Variants in ADAMTSL1 observed in about 807,000 individuals in gnomAD.
The protein encoded by ADAMTSL1 is ADAMTS-like protein 1.
Under a neutral mutation model 201.8 loss-of-function variants are expected in ADAMTSL1, and 126 were observed. That is an observed-to-expected ratio of 0.62 (90% CI 0.54 to 0.72). The LOEUF (loss-of-function observed/expected upper bound fraction) is 0.72. ADAMTSL1 is among the 30% of genes least tolerant of loss of function. The pLI, the probability that ADAMTSL1 is intolerant of heterozygous loss-of-function variation, is 0.00. For missense variants in ADAMTSL1, 2,679 were observed against 2,277.8 expected, an observed-to-expected ratio of 1.18 and a Z score of -3.59; for synonymous variants, 1,121 against 903.4, an observed-to-expected ratio of 1.24 and a Z score of -4.32.
At chr9:18,364,851 T>G (rs1586979135) in intron 2 of ADAMTSL1, among the ~76,000 whole-genome samples, 1 of 150,814 alleles carries the variant, frequency 6.6e-6, no homozygotes, top group African/African-American at 2.4e-5. Context: ...AGTGGGGAGG[T>G]GCCACACACT....
chr9:18,171,003 C>A (rs571663072), intron 2 of ADAMTSL1, among the ~76,000 whole-genome samples: 1 of 152,144 alleles, frequency 6.6e-6, no homozygotes, highest in African/African-American at 2.4e-5. Flanking sequence ...ATAAAATGTT[C>A]ATGAATGGGA....
intron 1 of ADAMTSL1, among the ~76,000 whole-genome samples, chr9:17,930,383 C>T (rs1826730455): frequency 6.6e-6 from 1 of 152,094 alleles, no homozygotes; most frequent in Admixed American, 6.6e-5. Flanking sequence ...TGGAATGCAT[C>T]ACTTCTGCCC....
intron 3 of ADAMTSL1, among the ~76,000 whole-genome samples, chr9:18,555,401 T>C (rs1821045037): frequency 1.3e-5 from 2 of 152,020 alleles, no homozygotes; most frequent in South Asian, 2.1e-4. Context: ...TTTTTATTTA[T>C]ACTTAAAGCT....
At chr9:18,447,259 C>A (rs981456248) in intron 2 of ADAMTSL1, among the ~76,000 whole-genome samples, 2 of 152,118 alleles carry the variant, frequency 1.3e-5, no homozygotes, top group Non-Finnish European at 2.9e-5. Flanking sequence ...AGCCAAATGC[C>A]GAATGACAGC....
intron 23 of ADAMTSL1, among the ~76,000 whole-genome samples, chr9:18,830,249 T>C (rs1182694200): frequency 6.6e-6 from 1 of 152,126 alleles, no homozygotes; most frequent in Non-Finnish European, 1.5e-5. Flanking sequence ...GTCCAGATCC[T>C]CTCAATCAGA....
At chr9:18,647,403 T>G (rs200390248) in intron 7 of ADAMTSL1, among the ~76,000 whole-genome samples, 52 of 151,802 alleles carry the variant, frequency 3.4e-4, no homozygotes, top group Non-Finnish European at 5.6e-4. Flanking sequence ...CTGCTCTGAT[T>G]TTAGTTATTT....
chr9:18,399,318 T>TATATATACAC lies in ADAMTSL1; in HGVS notation c.208-105504_208-105503insCACATATATA, dbSNP rs1554672313. ...ATATATATATATATATATATATATATATATATATATAAAATTATTATTTTC... is the reference window on the plus strand; with the variant it reads ...ATATATATATATATATATATATATATATATATACACATATATATATAAAATTATTATTTTC... On this transcript the variant is annotated intron_variant, in intron 2 of 29. Coordinates refer to the ADAMTSL1 transcript ENST00000680146. Among the ~76,000 whole-genome samples, 35 of 100,770 alleles carry TATATATACAC rather than the reference T, an allele frequency of 3.5e-4. 2 individuals carry two copies. The highest frequency in any genetic ancestry group is 5.1e-4 in the Admixed American group (5 of 9,802). 66.1% of individuals were successfully genotyped at this position (100,770 alleles called of 152,430 possible). A position where few individuals can be genotyped will look rare whatever the true frequency, so the allele number is the denominator to read the frequency against.
chr9:18,254,425 C>T (rs1289853217), intron 2 of ADAMTSL1, among the ~76,000 whole-genome samples: 4 of 121,800 alleles, frequency 3.3e-5, no homozygotes, highest in Non-Finnish European at 4.8e-5. Flanking sequence ...TACAGTGGCG[C>T]GATCTCAGCT....
chr9:17,932,525 G>A (rs760028931), intron 1 of ADAMTSL1, among the ~76,000 whole-genome samples: 2 of 152,100 alleles, frequency 1.3e-5, no homozygotes, highest in African/African-American at 2.4e-5. Flanking sequence ...CGTTGAAGGC[G>A]CAGTAGAGCT....
At chr9:18,778,892 C>A (rs1449699842) in intron 19 of ADAMTSL1, among the ~76,000 whole-genome samples, 1 of 152,220 alleles carries the variant, frequency 6.6e-6, no homozygotes, top group African/African-American at 2.4e-5. Context: ...GTCCTCTAGT[C>A]TAGATTCCTC....
chr9:18,753,596 G>A (rs1254639874), intron 16 of ADAMTSL1, 88 bp downstream of exon 16: 1 of 1,391,988 alleles, frequency 7.2e-7, no homozygotes, highest in Non-Finnish European at 9.9e-7. Flanking sequence ...TTTTGTCCAG[G>A]GATGTTAAAG....
intron 2 of ADAMTSL1, among the ~76,000 whole-genome samples, chr9:18,314,765 C>T (rs530890697): frequency 1.7e-3 from 233 of 140,328 alleles, no homozygotes; most frequent in African/African-American, 5.8e-3. Context: ...GTTGCCACTG[C>T]TGCCTTCGGC....
intron 2 of ADAMTSL1, among the ~76,000 whole-genome samples, chr9:18,451,041 C>T (rs1820385222): frequency 6.6e-6 from 1 of 152,058 alleles, no homozygotes; most frequent in Admixed American, 6.6e-5. Flanking sequence ...GGTAAGACAC[C>T]AAGGTAAGTT....
intron 20 of ADAMTSL1, among the ~76,000 whole-genome samples, chr9:18,796,165 A>G (rs558382488): frequency 2.6e-5 from 4 of 152,348 alleles, no homozygotes; most frequent in African/African-American, 9.6e-5. Context: ...TAGAGCTTTT[A>G]TAAAACCTCT....
At chr9:18,184,065 A>G (rs1828622393) in intron 2 of ADAMTSL1, among the ~76,000 whole-genome samples, 1 of 152,176 alleles carries the variant, frequency 6.6e-6, no homozygotes, top group Non-Finnish European at 1.5e-5. Flanking sequence ...TCATCATCCA[A>G]CAGATAATTC....
chr9:18,441,929 A>C (rs1820010223), intron 2 of ADAMTSL1, among the ~76,000 whole-genome samples: 1 of 152,218 alleles, frequency 6.6e-6, no homozygotes, highest in Admixed American at 6.5e-5. Flanking sequence ...ATATGTTGTA[A>C]TAATAATAAT....
At position 18,062,713 on chromosome 9, in the gene ADAMTSL1, T is replaced by G. The variant is rs368493425; in HGVS notation, c.88-101149T>G. ...AAAGTGCATAATTGAATAATTATAT[T>G]TTATCCCTTCAATCTGTATATTTTA... On this transcript the variant is annotated intron_variant, in intron 1 of 29. Transcript: ENST00000680146. 1.6e-3 allele frequency among the ~76,000 whole-genome samples: 243 copies of G among 152,182 alleles called. 7 individuals carry two copies. In the South Asian group the frequency reaches 0.05, roughly 31 times the overall value.
chr9:18,137,185 G>A (rs1418250943), intron 1 of ADAMTSL1, among the ~76,000 whole-genome samples: 1 of 152,112 alleles, frequency 6.6e-6, no homozygotes, highest in African/African-American at 2.4e-5. Flanking sequence ...ATCTGTTGTT[G>A]CTGGAGATTC....
chr9:18,700,488 G>A (rs1250453988), intron 13 of ADAMTSL1, among the ~76,000 whole-genome samples: 1 of 152,034 alleles, frequency 6.6e-6, no homozygotes, highest in African/African-American at 2.4e-5. Context: ...TTATCCAAAA[G>A]CCTCTTCAGA....
Sources: gnomAD v4.1 joint callset for allele counts (sites outside exome capture counted in the v4.1 genomes callset) on GRCh38, gnomAD v4.1.1 for gene constraint, MANE v1.5 for transcripts, NCBI Gene and HGNC (gene_info 2026-07-23, HGNC 2026-07-21) for gene names.